UBE2E2: variants seen among roughly 807,000 people sequenced by gnomAD.
UBE2E2 encodes ubiquitin-conjugating enzyme E2 E2.
UBE2E2 carries 6 observed loss-of-function variants against 24.7 expected under a neutral mutation model. The observed-to-expected ratio is 0.24, with a 90% confidence interval of 0.13 to 0.48. UBE2E2 has a LOEUF of 0.48. Ranked by LOEUF, UBE2E2 falls within the 20% of genes least tolerant of loss-of-function variation. The pLI is 0.99. For missense variants in UBE2E2, 169 were observed against 245.0 expected, an observed-to-expected ratio of 0.69 and a Z score of 2.07; for synonymous variants, 104 against 83.6, an observed-to-expected ratio of 1.24 and a Z score of -1.33.
intron 5 of UBE2E2, among the ~76,000 whole-genome samples, chr3:23,546,383 A>G (rs1458841080): frequency 6.6e-6 from 1 of 151,866 alleles, no homozygotes; most frequent in Admixed American, 6.6e-5. Flanking sequence ...TTTTACTCAG[A>G]ACTATTTGCC....
chr3:23,506,820 A>G (rs1694470153), intron 4 of UBE2E2, among the ~76,000 whole-genome samples: 1 of 152,138 alleles, frequency 6.6e-6, no homozygotes, highest in African/African-American at 2.4e-5. Flanking sequence ...TTTGATAGAA[A>G]TGGGGTTTCG....
intron 5 of UBE2E2, among the ~76,000 whole-genome samples, chr3:23,586,371 T>A (rs1388473402): frequency 3.3e-5 from 5 of 152,176 alleles, no homozygotes; most frequent in African/African-American, 9.7e-5. Flanking sequence ...CACAGCTCAC[T>A]GTAGTCTTAA....
rs199865871 is a variant in UBE2E2 at position 23,568,690 on chromosome 3, T to TAC, written c.509-21038_509-21037dup. Reference sequence around the variant, plus strand: ...ATACGCACATATATGTATACATATATACACACATATATATATACATGTATA... The same window carrying TAC: ...ATACGCACATATATGTATACATATATACACACACATATATATATACATGTATA... On this transcript the variant is annotated intron_variant, in intron 5 of 5. Transcript: ENST00000396703. 1.9e-3 allele frequency among the ~76,000 whole-genome samples: 176 copies of TAC among 93,194 alleles called. 1 individual carries two copies. Among genetic ancestry groups the TAC allele is most frequent in the African/African-American group, 7.2e-3 (165 of 22,864 alleles). 61.1% of individuals were successfully genotyped at this position (93,194 alleles called of 152,430 possible). A position where few individuals can be genotyped will look rare whatever the true frequency, so the allele number is the denominator to read the frequency against.
At chr3:23,541,166 G>T (rs1027869679) in intron 5 of UBE2E2, among the ~76,000 whole-genome samples, 1 of 152,162 alleles carries the variant, frequency 6.6e-6, no homozygotes, top group African/African-American at 2.4e-5. Context: ...GAGAAATGTT[G>T]TAATTATGAA....
At chr3:23,493,155 A>T (rs546831859) in intron 3 of UBE2E2, among the ~76,000 whole-genome samples, 87 of 152,258 alleles carry the variant, frequency 5.7e-4, no homozygotes, top group Middle Eastern at 3.4e-3. Flanking sequence ...CCTGTCCCAA[A>T]GTCAGTGTTA....
intron 3 of UBE2E2, among the ~76,000 whole-genome samples, chr3:23,419,363 C>T (rs1697737437): frequency 1.3e-5 from 2 of 152,140 alleles, no homozygotes; most frequent in Non-Finnish European, 2.9e-5. Context: ...GCAGTTACCA[C>T]CCCCACACCC....
chr3:23,386,342 T>C (rs562166308), intron 3 of UBE2E2, among the ~76,000 whole-genome samples: 32 of 152,214 alleles, frequency 2.1e-4, no homozygotes, highest in African/African-American at 7.0e-4. Context: ...TCAAGCTTCT[T>C]TTCTAAGGGA....
At chr3:23,457,492 G>T (rs1209803570) in intron 3 of UBE2E2, among the ~76,000 whole-genome samples, 2 of 152,158 alleles carry the variant, frequency 1.3e-5, no homozygotes, top group African/African-American at 4.8e-5. Context: ...ACTTGCTGCA[G>T]CTTCTCCATC....
At chr3:23,314,398 G>A (rs1203878586) in intron 3 of UBE2E2, among the ~76,000 whole-genome samples, 1 of 151,876 alleles carries the variant, frequency 6.6e-6, no homozygotes, top group Non-Finnish European at 1.5e-5. Flanking sequence ...CTAAAGTGTT[G>A]GGATTACAGG....
chr3:23,366,544 C>T (rs1186384200), intron 3 of UBE2E2, among the ~76,000 whole-genome samples: 1 of 152,162 alleles, frequency 6.6e-6, no homozygotes, highest in Non-Finnish European at 1.5e-5. Flanking sequence ...CATGTTCTCT[C>T]TTACAGGTCA....
At chr3:23,217,383 G>T (rs1281117573) in intron 3 of UBE2E2, 71 bp downstream of exon 3, 1 of 1,372,986 alleles carries the variant, frequency 7.3e-7, no homozygotes, top group Non-Finnish European at 1.0e-6. Flanking sequence ...GGTTTTATAT[G>T]CAGCTGTTGT....
At chr3:23,316,888 GA>G (rs931402954) in intron 3 of UBE2E2, among the ~76,000 whole-genome samples, 2 of 152,068 alleles carry the variant, frequency 1.3e-5, no homozygotes, top group Non-Finnish European at 2.9e-5. Context: ...GATATGTCTA[GA>G]AATGTCATCC....
intron 3 of UBE2E2, among the ~76,000 whole-genome samples, chr3:23,303,018 G>A (rs1699142719): frequency 6.6e-6 from 1 of 152,198 alleles, no homozygotes; most frequent in Admixed American, 6.5e-5. Flanking sequence ...AGCTTCATGT[G>A]TATTTACAGT....
chr3:23,383,015 T>C (rs1696714396), intron 3 of UBE2E2, among the ~76,000 whole-genome samples: 1 of 152,188 alleles, frequency 6.6e-6, no homozygotes, highest in African/African-American at 2.4e-5. Context: ...GTTGAACACT[T>C]TTAATAAGAG....
At chr3:23,438,705 A>G (rs1698234923) in intron 3 of UBE2E2, among the ~76,000 whole-genome samples, 1 of 152,230 alleles carries the variant, frequency 6.6e-6, no homozygotes, top group Non-Finnish European at 1.5e-5. Flanking sequence ...TATGCTTGAA[A>G]TATTTACTAA....
chr3:23,576,725 T>C (rs1035637692), intron 5 of UBE2E2, among the ~76,000 whole-genome samples: 4 of 152,182 alleles, frequency 2.6e-5, no homozygotes, highest in Admixed American at 6.5e-5. Context: ...TGACAGACAG[T>C]CCTGTGAGGG....
intron 5 of UBE2E2, among the ~76,000 whole-genome samples, chr3:23,577,008 CTG>C (rs1175138669): frequency 1.3e-5 from 2 of 151,780 alleles, no homozygotes; most frequent in African/African-American, 4.8e-5. Context: ...TTTCATGTCT[CTG>C]TGTCACATTT....
intron 3 of UBE2E2, among the ~76,000 whole-genome samples, chr3:23,491,697 A>C (rs1254653830): frequency 5.3e-5 from 8 of 152,230 alleles, no homozygotes; most frequent in African/African-American, 1.9e-4. Context: ...TGTATGCTGC[A>C]AAGGACTTTG....
At chr3:23,235,519 C>T (rs956154689) in intron 3 of UBE2E2, among the ~76,000 whole-genome samples, 1 of 151,954 alleles carries the variant, frequency 6.6e-6, no homozygotes, top group African/African-American at 2.4e-5. Context: ...CCAAATCAAG[C>T]AGAGTTTGGC....
Sources: allele counts gnomAD v4.1 joint callset (sites outside exome capture counted in the v4.1 genomes callset), GRCh38; gene constraint gnomAD v4.1.1; transcripts MANE v1.5; gene names NCBI Gene and HGNC (gene_info 2026-07-23, HGNC 2026-07-21).